Variants in TTC28 observed in about 807,000 individuals in gnomAD.
TTC28 encodes tetratricopeptide repeat domain 28, also known as tetratricopeptide repeat protein 28.
Under a neutral mutation model 198.0 loss-of-function variants are expected in TTC28, and 61 were observed. The ratio of observed to expected loss-of-function variants is 0.31; its 90% CI spans 0.25 to 0.38. The LOEUF is 0.38. Among genes scored for constraint, TTC28 ranks in the 10% least tolerant of loss-of-function variants. TTC28 has a pLI of 1.00. For missense variants in TTC28, 2,678 were observed against 3,164.0 expected, an observed-to-expected ratio of 0.85 and a Z score of 3.69; for synonymous variants, 1,171 against 1,297.8, an observed-to-expected ratio of 0.90 and a Z score of 2.10.
chr22:28,521,781 T>C (rs1056477675), intron 2 of TTC28, among the ~76,000 whole-genome samples: 1 of 152,176 alleles, frequency 6.6e-6, no homozygotes, highest in African/African-American at 2.4e-5. Flanking sequence ...TTGTGCAGGA[T>C]AGGAGGCTGA....
intron 10 of TTC28, among the ~76,000 whole-genome samples, chr22:28,096,611 T>C (rs1169525080): frequency 6.6e-6 from 1 of 152,122 alleles, no homozygotes; most frequent in Non-Finnish European, 1.5e-5. Context: ...GATTCCACAC[T>C]ACCCTAAGCC....
intron 12 of TTC28, among the ~76,000 whole-genome samples, chr22:28,068,550 G>A (rs371978299): frequency 3.3e-5 from 5 of 151,966 alleles, no homozygotes; most frequent in African/African-American, 1.2e-4. Flanking sequence ...TTTATATTCC[G>A]AGGTCTCTAT....
intron 17 of TTC28, among the ~76,000 whole-genome samples, chr22:27,995,678 A>G (rs1284251144): frequency 6.6e-6 from 1 of 152,102 alleles, no homozygotes; most frequent in African/African-American, 2.4e-5. Context: ...GATAACCTTG[A>G]ACTGTTCAAC....
chr22:28,192,865 C>G (rs1398624054), intron 5 of TTC28, among the ~76,000 whole-genome samples: 1 of 152,212 alleles, frequency 6.6e-6, no homozygotes, highest in African/African-American at 2.4e-5. Flanking sequence ...GGAAACCACT[C>G]TGCAGGATAT....
At chr22:28,024,613 T>C (rs923312007) in intron 13 of TTC28, among the ~76,000 whole-genome samples, 2 of 152,118 alleles carry the variant, frequency 1.3e-5, no homozygotes, top group Non-Finnish European at 2.9e-5. Flanking sequence ...ATGGGATCAG[T>C]GTGAGGGACA....
rs138612299 is a variant in TTC28 at position 28,018,244 on chromosome 22, AGTGTGTGTGT to A, written c.4074-3862_4074-3853del. ...ACTCCTCTGATCTGTGCTGCTATTC[AGTGTGTGTGT>A]GTGTGTGTGTGTGTGTGTGTGTGTA... On this transcript the variant is annotated intron_variant, in intron 13 of 22. Coordinates refer to ENST00000397906, the MANE Select transcript of TTC28 (RefSeq NM_001145418.2). Among the ~76,000 whole-genome samples, 9 of 114,904 alleles carry A rather than the reference AGTGTGTGTGT, an allele frequency of 7.8e-5. No individual in the cohort carries two copies. The East Asian group carries it at 1.4e-3, about 17-fold the overall frequency. The allele number at this position is 114,904 out of a possible 152,430, so 75.4% of individuals were successfully genotyped here.
At chr22:28,460,087 C>CA (rs1342427186) in intron 2 of TTC28, 1 of 152,090 alleles carries the variant, frequency 6.6e-6, no homozygotes, top group Non-Finnish European at 1.5e-5. Context: ...AAGTGAAACT[C>CA]AGAGTCGACA....
intron 5 of TTC28, among the ~76,000 whole-genome samples, chr22:28,197,746 G>A (rs1925521681): frequency 6.6e-6 from 1 of 152,072 alleles, no homozygotes; most frequent in African/African-American, 2.4e-5. Flanking sequence ...TGGGTGTGCT[G>A]GCTCACATGT....
chr22:28,413,547 T>C (rs1290596250), intron 2 of TTC28, among the ~76,000 whole-genome samples: 1 of 152,178 alleles, frequency 6.6e-6, no homozygotes, highest in Non-Finnish European at 1.5e-5. Context: ...CGAACTCTGG[T>C]ACTTACACCA....
At chr22:28,130,107 G>A (rs1943023172) in intron 6 of TTC28, among the ~76,000 whole-genome samples, 1 of 152,106 alleles carries the variant, frequency 6.6e-6, no homozygotes, top group Non-Finnish European at 1.5e-5. Flanking sequence ...ACCTACAAAA[G>A]AACCACCTAA....
chr22:27,983,845 G>T lies in TTC28; in HGVS notation c.5822C>A (p.Thr1941Asn). ...LQSLLSLFDSTELPKRLSLDS... is the reference protein window; with the variant it reads ...LQSLLSLFDSNELPKRLSLDS... ...AAGGCTGAGGCGCTTGGGTAGCTCA[G>T]TAGAATCTAAGCACAAAACACAAGG... is the stretch of plus-strand genomic sequence containing the variant. The change falls in exon 23 of 23, where the codon ACT (threonine) becomes AAT (asparagine). Residue 1941 changes from threonine to asparagine, a missense_variant. This residue lies in a region of TTC28 where 314 missense variants were observed against 442.7 expected (regional missense o/e 0.71). Coordinates refer to ENST00000397906, the MANE Select transcript of TTC28 (RefSeq NM_001145418.2). The T allele has an allele frequency of 6.5e-7, 1 of 1,549,122 alleles. No individual in the cohort carries two copies. The highest frequency in any genetic ancestry group is 8.7e-7 in the Non-Finnish European group (1 of 1,146,298).
intron 2 of TTC28, among the ~76,000 whole-genome samples, chr22:28,445,407 A>G (rs2047687599): frequency 6.6e-6 from 1 of 152,228 alleles, no homozygotes; most frequent in Non-Finnish European, 1.5e-5. Flanking sequence ...AGGAATTACC[A>G]AGGATAAATC....
Position 28,215,414 on chromosome 22 carries a change from C to A in TTC28, c.934-51815G>T, listed in dbSNP as rs1927310904. The stretch of plus-strand genomic sequence containing the variant: ...ACACTATGAAAAGAAGGTAGAGGTT[C>A]CAATGATGGATCATATTAATTGGGT... On this transcript the variant is annotated intron_variant, in intron 5 of 22. Transcript: ENST00000397906. Among the ~76,000 whole-genome samples the A allele has an allele frequency of 1.3e-5, 2 of 152,172 alleles. 1 individual carries two copies. Among genetic ancestry groups the A allele is most frequent in the South Asian group, 4.1e-4 (2 of 4,828 alleles).
At chr22:27,988,349 G>A (rs1937285475) in intron 21 of TTC28, among the ~76,000 whole-genome samples, 1 of 149,350 alleles carries the variant, frequency 6.7e-6, no homozygotes, top group South Asian at 2.1e-4. Context: ...GTACAGTGGC[G>A]CGATCTCGGC....
At chr22:28,608,382 G>A (rs997906943) in intron 2 of TTC28, among the ~76,000 whole-genome samples, 1 of 152,116 alleles carries the variant, frequency 6.6e-6, no homozygotes, top group East Asian at 1.9e-4. Flanking sequence ...ACTGTATTCG[G>A]CCTAACTCAG....
At chr22:28,159,618 C>T (rs919453765) in intron 6 of TTC28, among the ~76,000 whole-genome samples, 1 of 146,728 alleles carries the variant, frequency 6.8e-6, no homozygotes, top group East Asian at 2.0e-4. Context: ...GAGATCATGC[C>T]ACTGCATTCC....
At chr22:28,529,815 A>T (rs889836062) in intron 2 of TTC28, among the ~76,000 whole-genome samples, 2 of 152,100 alleles carry the variant, frequency 1.3e-5, no homozygotes, top group Non-Finnish European at 2.9e-5. Flanking sequence ...ACTCCAGCAA[A>T]CTCCAGCAGA....
chr22:28,352,144 G>T (rs775227590), intron 2 of TTC28, among the ~76,000 whole-genome samples: 3 of 151,922 alleles, frequency 2.0e-5, no homozygotes, highest in Non-Finnish European at 2.9e-5. Flanking sequence ...TTTCACCAAT[G>T]ATCTATAAAC....
intron 2 of TTC28, among the ~76,000 whole-genome samples, chr22:28,549,397 T>A (rs1472410374): frequency 6.6e-6 from 1 of 152,202 alleles, no homozygotes; most frequent in Non-Finnish European, 1.5e-5. Context: ...ATATTCATCT[T>A]ATTACATTTA....
Sources: allele counts gnomAD v4.1 joint callset (sites outside exome capture counted in the v4.1 genomes callset), GRCh38; gene constraint gnomAD v4.1.1; regional missense constraint gnomAD v4.1.1; transcripts MANE v1.5; gene names NCBI Gene and HGNC (gene_info 2026-07-23, HGNC 2026-07-21).